Variants in NACC2 observed in about 807,000 individuals in gnomAD.
NACC2 encodes the protein NACC family member 2.
In NACC2, 8 loss-of-function variants were observed where a neutral mutation model predicts 25.1. The observed-to-expected ratio is 0.32, with a 90% CI of 0.19 to 0.57. NACC2 has a LOEUF of 0.57. Ranked by LOEUF, NACC2 falls within the 20% of genes least tolerant of loss-of-function variation. The pLI is 0.89. For synonymous variants in NACC2, 435 were observed against 294.7 expected, an observed-to-expected ratio of 1.48 and a Z score of -4.88; for missense variants, 644 against 650.2, an observed-to-expected ratio of 0.99 and a Z score of 0.10.
chr9:136,092,960 A>G (rs1433320634), intron 1 of NACC2, among the ~76,000 whole-genome samples: 1 of 152,164 alleles, frequency 6.6e-6, no homozygotes, highest in Non-Finnish European at 1.5e-5. Flanking sequence ...CAGTGTGTGG[A>G]GGTGGCTAGA....
intron 1 of NACC2, among the ~76,000 whole-genome samples, chr9:136,076,870 C>T (rs1383549243): frequency 1.3e-5 from 2 of 152,026 alleles, no homozygotes; most frequent in African/African-American, 4.8e-5. Context: ...ATTAGCCGGG[C>T]GTGGTGGCGG....
At chr9:136,032,608 C>T (rs960647548) in intron 2 of NACC2, among the ~76,000 whole-genome samples, 15 of 152,094 alleles carry the variant, frequency 9.9e-5, no homozygotes, top group African/African-American at 3.6e-4. Context: ...TGTCTGTATC[C>T]AGAACAGGCC....
Position 136,011,529 on chromosome 9 carries a change from G to A in NACC2, c.1751C>T (p.Ala584Val). Residue 584 changes from alanine (A) to valine (V), a missense_variant, in exon 6 of 6, where the codon GCA becomes GTA. By Grantham distance (64) the Ala-to-Val change is moderately conservative. Coordinates refer to ENST00000277554, the MANE Select transcript of NACC2 (RefSeq NM_144653.5). ...ACCCAGCTCCGCTTACAAGGTCCCT[G>A]CATAGGTGCCCTCCGGCCTCCGGGC... ...AAARRPEGTY[A>V]GTL is the part of the protein sequence containing the mutation. 1 of 1,407,026 alleles carries A rather than the reference G, an allele frequency of 7.1e-7. No individual in the cohort carries two copies. Among genetic ancestry groups the A allele is most frequent in the Non-Finnish European group, 9.2e-7 (1 of 1,086,650 alleles). 87.2% of individuals were successfully genotyped at this position (1,407,026 alleles called of 1,614,324 possible). A position where few individuals can be genotyped will look rare whatever the true frequency, so the allele number is the denominator to read the frequency against.
chr9:136,014,884 C>G (rs1306527373), intron 3 of NACC2, among the ~76,000 whole-genome samples: 1 of 152,074 alleles, frequency 6.6e-6, no homozygotes, highest in Non-Finnish European at 1.5e-5. Flanking sequence ...TCTGGGTGAG[C>G]GAGGGCATGG....
At chr9:136,052,617 C>T (rs1056185386) in intron 1 of NACC2, among the ~76,000 whole-genome samples, 1 of 152,176 alleles carries the variant, frequency 6.6e-6, no homozygotes, top group Admixed American at 6.5e-5. Context: ...GGAGTCCAGC[C>T]CCAGCACCCC....
intron 1 of NACC2, 80 bp from the exon 2 acceptor site, chr9:136,050,660 C>T (rs915740796): frequency 1.8e-5 from 12 of 653,242 alleles, no homozygotes; most frequent in African/African-American, 5.4e-5. Context: ...ACCCCCTCCT[C>T]CCCCGCCGGG....
At chr9:136,031,639 A>G (rs1300341094) in intron 2 of NACC2, among the ~76,000 whole-genome samples, 1 of 152,152 alleles carries the variant, frequency 6.6e-6, no homozygotes, top group Non-Finnish European at 1.5e-5. Context: ...TGCCCGGCCC[A>G]CGGCCCCATT....
chr9:136,021,407 C>T (rs1011102132), intron 2 of NACC2, among the ~76,000 whole-genome samples: 4 of 152,140 alleles, frequency 2.6e-5, no homozygotes, highest in South Asian at 2.1e-4. Context: ...GACGTCCTGA[C>T]GACGTGGTCT....
intron 1 of NACC2, among the ~76,000 whole-genome samples, chr9:136,075,130 G>A (rs1344195617): frequency 6.6e-6 from 1 of 152,256 alleles, no homozygotes; most frequent in Non-Finnish European, 1.5e-5. Context: ...CTCCCTCAAA[G>A]CGGCAGGCCA....
chr9:136,064,768 A>G lies in NACC2; in HGVS notation c.-59-14188T>C, dbSNP rs1327531385. Among the ~76,000 whole-genome samples the G allele has an allele frequency of 2.6e-5, 4 of 152,220 alleles. No homozygotes were observed. In the East Asian group the frequency reaches 7.7e-4, roughly 29 times the overall value. ...AGGGACCCAGGAGAGCCAAAACAAT[A>G]TTAAAAAAGAGGAGCGAAGTTAGAG... On this transcript the variant is annotated intron_variant, in intron 1 of 5. Transcript: ENST00000277554.
At chr9:136,048,774 A>G (rs2131161079) in intron 2 of NACC2, among the ~76,000 whole-genome samples, 1 of 152,302 alleles carries the variant, frequency 6.6e-6, no homozygotes, top group South Asian at 2.1e-4. Context: ...TCTGCCCCCA[A>G]CCAGCACTGC....
intron 2 of NACC2, among the ~76,000 whole-genome samples, chr9:136,030,980 C>T (rs572166065): frequency 7.2e-5 from 11 of 152,116 alleles, no homozygotes; most frequent in East Asian, 1.9e-4. Context: ...CAACTTTAGA[C>T]GGAGCCGATG....
chr9:136,073,511 C>G (rs1830222323), intron 1 of NACC2, among the ~76,000 whole-genome samples: 1 of 151,918 alleles, frequency 6.6e-6, no homozygotes. Flanking sequence ...GTGGATCCAG[C>G]TGTATCAGAG....
chr9:136,034,060 A>G (rs1840516430), intron 2 of NACC2, among the ~76,000 whole-genome samples: 1 of 152,202 alleles, frequency 6.6e-6, no homozygotes, highest in South Asian at 2.1e-4. Flanking sequence ...AAAGATTCAG[A>G]AAAAATTTTT....
At chr9:136,089,765 T>C (rs1830416592) in intron 1 of NACC2, among the ~76,000 whole-genome samples, 1 of 148,272 alleles carries the variant, frequency 6.7e-6, no homozygotes, top group South Asian at 2.1e-4. Context: ...TCTATTTTCT[T>C]AAAAGCTTTT....
At chr9:136,094,457 G>A (rs937497996) in intron 1 of NACC2, among the ~76,000 whole-genome samples, 2 of 152,204 alleles carry the variant, frequency 1.3e-5, no homozygotes, top group African/African-American at 4.8e-5. Flanking sequence ...GAAGGCCTCG[G>A]TCCGCCCTGG....
chr9:136,092,045 T>C lies in NACC2; in HGVS notation c.-60+3144A>G, dbSNP rs140757727. Among the ~76,000 whole-genome samples, 205 of 152,132 alleles carry C rather than the reference T, an allele frequency of 1.3e-3. 1 individual carries two copies. The highest frequency in any genetic ancestry group is 4.7e-3 in the African/African-American group (195 of 41,498). ...AGGGAAACGAGATCCACCTGGGGAT[T>C]AGGGGGCGCCTCAGGGAGGCCGGTG... On this transcript the variant is annotated intron_variant, in intron 1 of 5. Coordinates refer to ENST00000277554, the MANE Select transcript of NACC2 (RefSeq NM_144653.5).
At chr9:136,023,417 A>T (rs74688457) in intron 2 of NACC2, among the ~76,000 whole-genome samples, 151 of 152,156 alleles carry the variant, frequency 9.9e-4, no homozygotes, top group African/African-American at 3.5e-3. Context: ...CGACCAGCTC[A>T]ACAGTCCCAT....
intron 1 of NACC2, among the ~76,000 whole-genome samples, chr9:136,053,057 T>C (rs1223323587): frequency 6.6e-6 from 1 of 152,196 alleles, no homozygotes; most frequent in Non-Finnish European, 1.5e-5. Flanking sequence ...CTCGAGGCCT[T>C]GAGGTGAGCC....
Sources: gnomAD v4.1 joint callset for allele counts (sites outside exome capture counted in the v4.1 genomes callset) on GRCh38, gnomAD v4.1.1 for gene constraint, MANE v1.5 for transcripts, NCBI Gene and HGNC (gene_info 2026-07-23, HGNC 2026-07-21) for gene names.